CEP63: variants seen among roughly 807,000 people sequenced by gnomAD.
CEP63 encodes the protein centrosomal protein of 63 kDa.
In CEP63, 84 loss-of-function variants were observed where a neutral mutation model predicts 89.1. The observed-to-expected ratio is 0.94, with a 90% CI of 0.79 to 1.13. The LOEUF (loss-of-function observed/expected upper bound fraction) is 1.13. Among genes scored for constraint, CEP63 ranks in the 50% most tolerant of loss-of-function variants. CEP63 has a pLI of 0.00. For missense variants in CEP63, 838 were observed against 813.3 expected (o/e 1.03, Z -0.37); for synonymous variants, 267 against 272.5 (o/e 0.98, Z 0.20).
chr3:134,552,925 T>C (rs1577346708), intron 12 of CEP63: 1 of 152,194 alleles, frequency 6.6e-6, no homozygotes, highest in East Asian at 1.9e-4. Context: ...GTAGCAAGGA[T>C]AAGAAATGCA....
the CEP63 span, among the ~76,000 whole-genome samples, chr3:134,617,492 GACA>G: frequency 6.6e-6 from 1 of 152,178 alleles, no homozygotes; most frequent in African/African-American, 2.4e-5. Context: ...TAGGATGTAT[GACA>G]ACAACCGAGC....
chr3:134,553,803 C>T (rs1955465869), intron 12 of CEP63, among the ~76,000 whole-genome samples: 1 of 152,096 alleles, frequency 6.6e-6, no homozygotes, highest in Non-Finnish European at 1.5e-5. Context: ...TTTTGATAGT[C>T]CTTGCTGAAT....
At chr3:134,627,634 C>A in the CEP63 span, 3 of 808,344 alleles carry the variant, frequency 3.7e-6, no homozygotes, top group Non-Finnish European at 6.3e-6. Context: ...CCTCCTGAAC[C>A]CAAAGGTGGC....
the CEP63 span, chr3:134,651,202 C>T: frequency 1.3e-5 from 17 of 1,330,584 alleles, no homozygotes; most frequent in Non-Finnish European, 1.6e-5. Flanking sequence ...AAAGGAAATC[C>T]CCGGGCCCAA....
intron 10 of CEP63, among the ~76,000 whole-genome samples, chr3:134,585,255 C>T (rs1958460028): frequency 6.6e-6 from 1 of 151,910 alleles, no homozygotes; most frequent in South Asian, 2.1e-4. Context: ...GCTCTTGCTT[C>T]TCTAGTTCTT....
At chr3:134,734,838 T>G in the CEP63 span, among the ~76,000 whole-genome samples, 1 of 152,222 alleles carries the variant, frequency 6.6e-6, no homozygotes, top group Admixed American at 6.5e-5. Flanking sequence ...CAACTAAAAC[T>G]CCATTTGTAG....
chr3:134,662,707 G>A, the CEP63 span, among the ~76,000 whole-genome samples: 1 of 152,238 alleles, frequency 6.6e-6, no homozygotes, highest in African/African-American at 2.4e-5. Flanking sequence ...AAGCAAACAT[G>A]TCTAGGACAA....
the CEP63 span, among the ~76,000 whole-genome samples, chr3:134,760,857 G>C: frequency 6.6e-6 from 1 of 152,086 alleles, no homozygotes; most frequent in South Asian, 2.1e-4. Flanking sequence ...GACTTGGAGG[G>C]CACCTCTGCA....
At chr3:134,691,567 G>C in the CEP63 span, among the ~76,000 whole-genome samples, 55 of 152,008 alleles carry the variant, frequency 3.6e-4, no homozygotes, top group East Asian at 0.011. Flanking sequence ...GCAGTGAGCT[G>C]AGATCACACC....
At chr3:134,622,555 G>A in the CEP63 span, among the ~76,000 whole-genome samples, 3 of 152,188 alleles carry the variant, frequency 2.0e-5, no homozygotes, top group Admixed American at 6.5e-5. Flanking sequence ...GGGGCTGGGG[G>A]AGGAGAAATG....
the CEP63 span, among the ~76,000 whole-genome samples, chr3:134,595,986 C>T: frequency 6.8e-6 from 1 of 146,976 alleles, no homozygotes; most frequent in African/African-American, 2.5e-5. Flanking sequence ...TGCCATTTTG[C>T]AGCTCTTTCC....
chr3:134,765,459 A>G, the CEP63 span, among the ~76,000 whole-genome samples: 2 of 152,204 alleles, frequency 1.3e-5, no homozygotes, highest in Non-Finnish European at 2.9e-5. Context: ...AGGGGCCCCA[A>G]CACATCTGTG....
At chr3:134,701,357 T>C in the CEP63 span, among the ~76,000 whole-genome samples, 1 of 23,828 alleles carries the variant, frequency 4.2e-5, no homozygotes, top group African/African-American at 7.5e-5. Flanking sequence ...TATATGTGTA[T>C]ATATACATAT....
chr3:134,778,544 TG>T, the CEP63 span, among the ~76,000 whole-genome samples: 2 of 152,000 alleles, frequency 1.3e-5, no homozygotes, highest in East Asian at 1.9e-4. Context: ...CTGTTTTGTT[TG>T]TTTGTTTGTT....
the CEP63 span, among the ~76,000 whole-genome samples, chr3:134,778,154 G>A: frequency 6.7e-6 from 1 of 149,892 alleles, no homozygotes; most frequent in African/African-American, 2.5e-5. Context: ...CTGGAGTGCA[G>A]TGATGTGATC....
the CEP63 span, among the ~76,000 whole-genome samples, chr3:134,610,882 GGT>G: frequency 6.6e-6 from 1 of 152,210 alleles, no homozygotes; most frequent in African/African-American, 2.4e-5. Context: ...ACATGGGTGA[GGT>G]GTTGTGGGGT....
At chr3:134,752,432 A>T in the CEP63 span, among the ~76,000 whole-genome samples, 1 of 152,096 alleles carries the variant, frequency 6.6e-6, no homozygotes, top group South Asian at 2.1e-4. Context: ...CCCGAGGAGG[A>T]TTGGCTGGGC....
chr3:134,711,922 C>T, the CEP63 span, among the ~76,000 whole-genome samples: 2 of 151,834 alleles, frequency 1.3e-5, no homozygotes, highest in Admixed American at 1.3e-4. Flanking sequence ...GCCACCATGC[C>T]CGGCTAATTT....
chr3:134,626,842 T>G, the CEP63 span, among the ~76,000 whole-genome samples: 16 of 152,336 alleles, frequency 1.1e-4, no homozygotes, highest in African/African-American at 2.9e-4. Context: ...CAGAGAAGAC[T>G]GGGGATACTC....
Sources: allele counts gnomAD v4.1 joint callset (sites outside exome capture counted in the v4.1 genomes callset), GRCh38; gene constraint gnomAD v4.1.1; transcripts MANE v1.5; gene names NCBI Gene and HGNC (gene_info 2026-07-23, HGNC 2026-07-21).